Variants in UBN1 observed in about 807,000 individuals in gnomAD.
The protein encoded by UBN1 is ubinuclein-1.
A neutral mutation model predicts 108.5 loss-of-function variants in UBN1; 17 were observed. That is an observed-to-expected ratio of 0.16 (90% CI 0.11 to 0.24). The LOEUF (loss-of-function observed/expected upper bound fraction) is 0.24, where lower values mean the gene tolerates loss of function less well. Ranked by LOEUF, UBN1 falls within the 10% of genes least tolerant of loss-of-function variation. The pLI, the probability that UBN1 is intolerant of heterozygous loss-of-function variation, is 1.00. For missense variants in UBN1, 1,595 were observed against 1,394.4 expected, an observed-to-expected ratio of 1.14 and a Z score of -2.29; for synonymous variants, 726 against 564.2, an observed-to-expected ratio of 1.29 and a Z score of -4.07.
chr16:4,872,037 A>G (rs1596518379), intron 12 of UBN1, among the ~76,000 whole-genome samples: 1 of 152,190 alleles, frequency 6.6e-6, no homozygotes, highest in East Asian at 1.9e-4. Flanking sequence ...CTCAGAGGCT[A>G]CCTTGTACGA....
chr16:4,881,932 T>A lies in UBN1; in HGVS notation c.*1800T>A, dbSNP rs868055954. On this transcript the variant is annotated 3_prime_UTR_variant, in exon 18 of 18. Transcript: ENST00000262376. ...CCCGGGTCCCAGGCCCTCCTTCCTT[T>A]CCCTTTGGTGCTCCCTCCTCCCCAC... is the stretch of plus-strand genomic sequence containing the variant. The A allele has an allele frequency of 9.2e-5, 14 of 151,742 alleles. No homozygotes were observed. The highest frequency in any genetic ancestry group is 3.4e-4 in the African/African-American group (14 of 41,150). 9.4% of individuals were successfully genotyped at this position (151,742 alleles called of 1,614,324 possible).
chr16:4,855,300 T>G (rs2086750503), intron 2 of UBN1, among the ~76,000 whole-genome samples: 1 of 152,066 alleles, frequency 6.6e-6, no homozygotes, highest in South Asian at 2.1e-4. Context: ...GGATTAATCT[T>G]TTTTTCCTGA....
intron 3 of UBN1, 115 bp downstream of exon 3, chr16:4,858,191 G>A (rs1479112276): frequency 2.6e-6 from 2 of 763,798 alleles, no homozygotes; most frequent in African/African-American, 1.8e-5. Flanking sequence ...TAAGCCTTAA[G>A]CATGGAGAGA....
chr16:4,870,244 A>C lies in UBN1; in HGVS notation c.1214A>C (p.Gln405Pro), dbSNP rs753883914. The change falls in exon 9 of 18, where the codon CAG becomes CCG. Residue 405 changes from glutamine (Q) to proline (P), a missense_variant. Around this residue, in one of 3 missense-constraint regions of UBN1, gnomAD observed 1,398 missense variants for 1,194.7 expected, o/e 1.17. Coordinates refer to ENST00000262376, the MANE Select transcript of UBN1 (RefSeq NM_001079514.3). ...IEAQTRELSS[Q>P]VRSGVYAYLA... Reference sequence around the variant, plus strand: ...GCGCAGACTCGGGAGCTGAGCAGTCAGGTCCGCTCTGGGGTGTATGCCTAT... The same window carrying C: ...GCGCAGACTCGGGAGCTGAGCAGTCCGGTCCGCTCTGGGGTGTATGCCTAT... 3 of 1,614,130 alleles carry C rather than the reference A, an allele frequency of 1.9e-6. No individual in the cohort carries two copies. The African/African-American group carries it at 4.0e-5, about 22-fold the overall frequency.
At chr16:4,852,182 A>G (rs1191819931) in intron 1 of UBN1, 1 of 152,270 alleles carries the variant, frequency 6.6e-6, no homozygotes, top group African/African-American at 2.4e-5. Context: ...AAGTAAGCAG[A>G]AAACATGTAT....
chr16:4,851,038 G>T (rs2086532494), intron 1 of UBN1, among the ~76,000 whole-genome samples: 1 of 152,176 alleles, frequency 6.6e-6, no homozygotes, highest in African/African-American at 2.4e-5. Flanking sequence ...TTCAGAAACA[G>T]GCCTTAGATA....
At chr16:4,867,750 G>C (rs2087406812) in intron 7 of UBN1, among the ~76,000 whole-genome samples, 1 of 152,108 alleles carries the variant, frequency 6.6e-6, no homozygotes, top group Admixed American at 6.6e-5. Context: ...AGGATGCAGT[G>C]AGAGGAAGGT....
Position 4,877,157 on chromosome 16 carries a change from T to G in UBN1, c.3265+46T>G, listed in dbSNP as rs1567963243. On this transcript the variant is annotated intron_variant, in intron 16 of 17. Transcript: ENST00000262376. The surrounding 1 kb of genome is among the most constrained non-coding windows in gnomAD (Gnocchi z 4.3). ...TCTGGTCACTCAGGAACCTCTAGAT[T>G]GTGGCCAGGGGTCCTGCTGTTGTGT... 2.6e-6 allele frequency: 4 copies of G among 1,558,564 alleles called. No individual in the cohort carries two copies. The highest frequency in any genetic ancestry group is 3.5e-6 in the Non-Finnish European group (4 of 1,155,452).
chr16:4,860,935 G>A lies in UBN1; in HGVS notation c.943G>A (p.Asp315Asn). 2 of 1,614,250 alleles carry A rather than the reference G, an allele frequency of 1.2e-6. No individual in the cohort carries two copies. The highest frequency in any genetic ancestry group is 1.7e-6 in the Non-Finnish European group (2 of 1,180,052). Reference protein sequence around the residue: ...ATAMDSLTDLDLEHLLSESPE... With the variant: ...ATAMDSLTDLNLEHLLSESPE... ...TGCCATGGACTCGCTGACGGATTTG[G>A]ACTTGGAGCATCTGCTCAGTGAGTC... Residue 315 changes from aspartate (D) to asparagine (N), a missense_variant, in exon 7 of 18, where the codon GAC (aspartate) becomes AAC (asparagine). Transcript: ENST00000262376.
At chr16:4,848,692 C>G (rs569413324) in intron 1 of UBN1, among the ~76,000 whole-genome samples, 1 of 152,298 alleles carries the variant, frequency 6.6e-6, no homozygotes, top group South Asian at 2.1e-4. Context: ...ACAAAGTGAT[C>G]TTTAAAGCGT....
At position 4,880,237 on chromosome 16, in the gene UBN1, C is replaced by T. The variant is rs1033430229; in HGVS notation, c.*105C>T. 6 of 1,330,114 alleles carry T rather than the reference C, an allele frequency of 4.5e-6. No homozygotes were observed. The highest frequency in any genetic ancestry group is 1.4e-5 in the African/African-American group (1 of 69,306). 82.4% of individuals were successfully genotyped at this position (1,330,114 alleles called of 1,614,324 possible). A position where few individuals can be genotyped will look rare whatever the true frequency, so the allele number is the denominator to read the frequency against. ...GCCCTTTCTGCTGCTTGGTGTTCTT[C>T]TGGAGGAGCGTGAGTTCTCAGCGGA... On this transcript the variant is annotated 3_prime_UTR_variant, in exon 18 of 18. Transcript: ENST00000262376.
chr16:4,868,154 G>A (rs1596505946), intron 7 of UBN1, among the ~76,000 whole-genome samples: 1 of 152,142 alleles, frequency 6.6e-6, no homozygotes, highest in African/African-American at 2.4e-5. Flanking sequence ...TTGTGTTCCC[G>A]CTGTGTCGTG....
Position 4,874,435 on chromosome 16 carries a change from C to A in UBN1, c.2025C>A (p.Ala675=), listed in dbSNP as rs371976617. 2 of 1,613,964 alleles carry A rather than the reference C, an allele frequency of 1.2e-6. No homozygotes were observed. Among genetic ancestry groups the A allele is most frequent in the Non-Finnish European group, 1.7e-6 (2 of 1,180,012 alleles). Residue 675 remains alanine (A), a synonymous_variant, in exon 15 of 18, where the codon GCC becomes GCA. Coordinates refer to ENST00000262376, the MANE Select transcript of UBN1 (RefSeq NM_001079514.3). ...LIRNPASSVE[A]VSKELAALNS... ...GCAATCCAGCCTCCTCGGTGGAAGCCGTGTCCAAGGAATTGGCTGCATTGA... is the reference window on the plus strand; with the variant it reads ...GCAATCCAGCCTCCTCGGTGGAAGCAGTGTCCAAGGAATTGGCTGCATTGA...
intron 17 of UBN1, among the ~76,000 whole-genome samples, chr16:4,879,327 G>A (rs2088009112): frequency 1.3e-5 from 2 of 151,520 alleles, no homozygotes. Flanking sequence ...GAGGCTGGAT[G>A]TGGTGGCATT....
chr16:4,857,472 A>C (rs2086870040), intron 2 of UBN1, among the ~76,000 whole-genome samples: 1 of 152,100 alleles, frequency 6.6e-6, no homozygotes, highest in South Asian at 2.1e-4. Flanking sequence ...AAGCCTTGGA[A>C]GCCTGAGTTT....
chr16:4,875,118 C>G lies in UBN1; in HGVS notation c.2708C>G (p.Pro903Arg). The part of the protein sequence containing the change: ...SSAGSSYKNN[P>R]FASSISKHGV... The stretch of plus-strand genomic sequence containing the variant: ...GCAGGCTCATCTTACAAGAATAATC[C>G]CTTTGCCAGCTCAATCTCCAAACAT... Residue 903 changes from proline to arginine, a missense_variant, in exon 15 of 18, where the codon CCC becomes CGC. Pro to Arg is a moderately radical substitution (Grantham distance 103). Coordinates refer to ENST00000262376, the MANE Select transcript of UBN1 (RefSeq NM_001079514.3). 1.2e-6 allele frequency: 2 copies of G among 1,614,202 alleles called. No homozygotes were observed. The highest frequency in any genetic ancestry group is 1.7e-6 in the Non-Finnish European group (2 of 1,180,042).
intron 5 of UBN1, among the ~76,000 whole-genome samples, chr16:4,859,409 C>T (rs2086957388): frequency 6.6e-6 from 1 of 152,234 alleles, no homozygotes; most frequent in East Asian, 1.9e-4. Flanking sequence ...CAGCAGGGGT[C>T]GTTTCTGGAG....
Position 4,870,866 on chromosome 16 carries a change from A to G in UBN1, c.1453A>G (p.Lys485Glu). The part of the protein sequence containing the change: ...VAKMLEEEKD[K>E]EQRDRICSDE... Reference sequence around the variant, plus strand: ...TAGGATGCTGGAAGAGGAGAAAGACAAGGAGCAGAGGGACCGGATTTGTTC... The same window carrying G: ...TAGGATGCTGGAAGAGGAGAAAGACGAGGAGCAGAGGGACCGGATTTGTTC... The change falls in exon 11 of 18, where the codon AAG (lysine) becomes GAG (glutamate). Residue 485 changes from lysine to glutamate, a missense_variant. Lys to Glu is a moderately conservative substitution (Grantham distance 56). This residue lies in a region of UBN1 where 1,398 missense variants were observed against 1,194.7 expected (regional missense o/e 1.17). Coordinates refer to ENST00000262376, the MANE Select transcript of UBN1 (RefSeq NM_001079514.3). 1.2e-6 allele frequency: 2 copies of G among 1,613,996 alleles called. No homozygotes were observed. Among genetic ancestry groups the G allele is most frequent in the Non-Finnish European group, 1.7e-6 (2 of 1,179,942 alleles).
At chr16:4,864,899 T>A (rs927669042) in intron 7 of UBN1, among the ~76,000 whole-genome samples, 4 of 152,182 alleles carry the variant, frequency 2.6e-5, no homozygotes, top group Non-Finnish European at 5.9e-5. Flanking sequence ...TTGATCTTTT[T>A]AAAAAAAATC....
Sources: allele counts gnomAD v4.1 joint callset (sites outside exome capture counted in the v4.1 genomes callset), GRCh38; gene constraint gnomAD v4.1.1; regional missense constraint gnomAD v4.1.1; non-coding constraint Gnocchi (gnomAD v3.1); transcripts MANE v1.5; gene names NCBI Gene and HGNC (gene_info 2026-07-23, HGNC 2026-07-21).